The following INPP5K variants were observed in gnomAD, a reference collection of about 807,000 sequenced individuals.
INPP5K encodes inositol polyphosphate-5-phosphatase K.
A neutral mutation model predicts 53.5 loss-of-function variants in INPP5K; 35 were observed. The ratio of observed to expected loss-of-function variants is 0.65; its 90% CI spans 0.50 to 0.87. INPP5K has a LOEUF of 0.87. Among genes scored for constraint, INPP5K ranks in the 40% least tolerant of loss-of-function variants. The probability of loss-of-function intolerance (pLI) is 0.00; values close to 1 mark genes in which losing one functional copy is unlikely to be tolerated. For missense variants in INPP5K, 550 were observed against 586.2 expected (o/e 0.94, Z 0.64); for synonymous variants, 253 against 232.8 (o/e 1.09, Z -0.79).
chr17:1,501,022 A>T (rs2074998512), intron 7 of INPP5K, among the ~76,000 whole-genome samples: 1 of 148,892 alleles, frequency 6.7e-6, no homozygotes, highest in African/African-American at 2.5e-5. Flanking sequence ...GCAGTGGCGC[A>T]ATCTCAGCTC....
At chr17:1,502,142 C>G (rs113279662) in intron 7 of INPP5K, among the ~76,000 whole-genome samples, 10,178 of 151,544 alleles carry the variant, frequency 0.067, 410 homozygotes, top group Non-Finnish European at 0.088. Context: ...GAGGTCAGGA[C>G]ATGGAGACCA....
At chr17:1,507,705 G>A (rs765506531) in intron 6 of INPP5K, 19 of 159,910 alleles carry the variant, frequency 1.2e-4, no homozygotes, top group African/African-American at 2.2e-4. Flanking sequence ...CACGCCCGGC[G>A]AATTTTTTTT....
chr17:1,495,204 T>A lies in INPP5K; in HGVS notation c.*619A>T, dbSNP rs979356026. ...ATGCCGTGAGTAGGGAGGAAGGTTG[T>A]GCTGGCCGAAGGACCCTCATCAACC... On this transcript the variant is annotated 3_prime_UTR_variant, in exon 12 of 12. Transcript: ENST00000421807. 1 of 152,278 alleles carries A rather than the reference T, an allele frequency of 6.6e-6. No homozygotes were observed. The highest frequency in any genetic ancestry group is 1.9e-4 in the East Asian group (1 of 5,200). 9.4% of individuals were successfully genotyped at this position (152,278 alleles called of 1,614,324 possible).
intron 8 of INPP5K, chr17:1,497,687 G>A (rs1455386301): frequency 4.6e-6 from 2 of 433,830 alleles, no homozygotes; most frequent in Non-Finnish European, 4.2e-6. Context: ...GAACTCATTA[G>A]CCCCAAGGGA....
At chr17:1,512,266 G>C (rs1269702262) in intron 3 of INPP5K, among the ~76,000 whole-genome samples, 3 of 152,332 alleles carry the variant, frequency 2.0e-5, no homozygotes, top group Non-Finnish European at 1.5e-5. Flanking sequence ...CGAGAAGCAA[G>C]GAGGCCTGCA....
intron 9 of INPP5K, 71 bp from the exon 10 acceptor site, chr17:1,496,473 T>C: frequency 7.2e-7 from 1 of 1,382,582 alleles, no homozygotes; most frequent in South Asian, 1.2e-5. Flanking sequence ...AAGGAAGAGA[T>C]GGTCTCCCTG....
intron 1 of INPP5K, chr17:1,516,098 G>C (rs1383353007): frequency 9.3e-6 from 11 of 1,177,330 alleles, no homozygotes; most frequent in Non-Finnish European, 1.1e-5. Context: ...ATGGGATCAG[G>C]CAGACCTCCT....
Position 1,497,996 on chromosome 17 carries a change from G to A in INPP5K, c.903C>T (p.Ser301=), listed in dbSNP as rs777108107. Residue 301 remains serine, a synonymous_variant, in exon 8 of 12, where the codon AGC becomes AGT. Transcript: ENST00000421807. ...CGCTGATGCCGTACGTCATGTGGCT[G>A]CTGTAGCCCCTCAGAGACAAGGAGA... ...SHFSLSLRGY[S]SHMTYGISDH... is the part of the protein sequence containing the mutation. 2 of 1,614,130 alleles carry A rather than the reference G, an allele frequency of 1.2e-6. No individual in the cohort carries two copies. Among genetic ancestry groups the A allele is most frequent in the Admixed American group, 3.3e-5 (2 of 60,018 alleles).
At chr17:1,502,115 C>T (rs1396661808) in intron 7 of INPP5K, among the ~76,000 whole-genome samples, 15 of 150,894 alleles carry the variant, frequency 9.9e-5, no homozygotes, top group South Asian at 2.1e-4. Context: ...TTTGGGAGGC[C>T]AAGGCGGGCA....
chr17:1,495,849 G>C lies in INPP5K; in HGVS notation c.1321C>G (p.Leu441Val), dbSNP rs371206939. ...IPPGSLREDP[L>V]GEAQPQI is the part of the protein sequence containing the mutation. Reference sequence around the variant, plus strand: ...CAGATCTGTGGCTGTGCTTCACCCAGTGGGTCCTCCCTCAAGGAGCCAGGC... The same window carrying C: ...CAGATCTGTGGCTGTGCTTCACCCACTGGGTCCTCCCTCAAGGAGCCAGGC... Residue 441 changes from leucine to valine, a missense_variant, in exon 12 of 12, where the codon CTG becomes GTG. Coordinates refer to ENST00000421807, the MANE Select transcript of INPP5K (RefSeq NM_016532.4). 6.2e-7 allele frequency: 1 copy of C among 1,613,538 alleles called. No individual in the cohort carries two copies. Among genetic ancestry groups the C allele is most frequent in the East Asian group, 2.2e-5 (1 of 44,872 alleles).
At chr17:1,512,085 T>A (rs1260691033) in intron 3 of INPP5K, among the ~76,000 whole-genome samples, 1 of 152,168 alleles carries the variant, frequency 6.6e-6, no homozygotes, top group Non-Finnish European at 1.5e-5. Context: ...AGCTCACCCA[T>A]CCACCCTGAT....
intron 7 of INPP5K, among the ~76,000 whole-genome samples, chr17:1,502,132 G>T (rs1249825161): frequency 6.6e-6 from 1 of 151,522 alleles, no homozygotes. Context: ...GGCAGATCAT[G>T]AGGTCAGGAC....
At position 1,498,811 on chromosome 17, in the gene INPP5K, A is replaced by G. The variant is rs143884197; in HGVS notation, c.777-689T>C. On this transcript the variant is annotated intron_variant, in intron 7 of 11. Transcript: ENST00000421807. ...GTAAAGACAGTATGTTTCCCAGCCT[A>G]GTTTTGAACTGCTGGCCTCAAAGGA... Among the ~76,000 whole-genome samples the G allele has an allele frequency of 1.0e-3, 157 of 152,276 alleles. 2 individuals carry two copies. In the Middle Eastern group the frequency reaches 0.017, roughly 16 times the overall value.
rs1168780392 is a variant in INPP5K at position 1,495,368 on chromosome 17, TC to T, written c.*454del. ...GGGACAAGCTATGAGATGCCAAGAC[TC>T]CTGGAATCCAGCACTGCTTGCACCA... is the stretch of plus-strand genomic sequence containing the variant. On this transcript the variant is annotated 3_prime_UTR_variant, in exon 12 of 12. Transcript: ENST00000421807. 4.4e-5 allele frequency: 7 copies of T among 158,572 alleles called. No homozygotes were observed. Among genetic ancestry groups the T allele is most frequent in the African/African-American group, 1.7e-4 (7 of 41,518 alleles). 9.8% of individuals were successfully genotyped at this position (158,572 alleles called of 1,614,324 possible). A position where few individuals can be genotyped will look rare whatever the true frequency, so the allele number is the denominator to read the frequency against.
chr17:1,509,101 C>T lies in INPP5K; in HGVS notation c.554+77G>A, dbSNP rs559213179. 2.9e-5 allele frequency: 36 copies of T among 1,261,136 alleles called. No individual in the cohort carries two copies. The East Asian group carries it at 9.5e-4, about 33-fold the overall frequency. 78.1% of individuals were successfully genotyped at this position (1,261,136 alleles called of 1,614,324 possible). ...AGAGGGCGGGGAGCGGTCTGCAGAC[C>T]CAGGCTCACTCGTGGGGGTTAGTGG... On this transcript the variant is annotated intron_variant, in intron 5 of 11. Coordinates refer to ENST00000421807, the MANE Select transcript of INPP5K (RefSeq NM_016532.4).
chr17:1,497,860 T>C, intron 8 of INPP5K, 76 bp downstream of exon 8: 5 of 1,335,874 alleles, frequency 3.7e-6, no homozygotes, highest in Non-Finnish European at 5.3e-6. Context: ...GACATTCGAA[T>C]CCAGGGATGG....
chr17:1,496,982 C>T (rs2074866946), intron 8 of INPP5K, among the ~76,000 whole-genome samples, 179 bp from the exon 9 acceptor site: 1 of 152,190 alleles, frequency 6.6e-6, no homozygotes, highest in Non-Finnish European at 1.5e-5. Context: ...GAAAGAGGGC[C>T]GAACACCAGT....
intron 1 of INPP5K, among the ~76,000 whole-genome samples, chr17:1,514,566 C>T (rs745894959): frequency 1.7e-4 from 26 of 151,970 alleles, no homozygotes; most frequent in Non-Finnish European, 3.5e-4. Flanking sequence ...ATAGCAGAGT[C>T]GCCAAAGGGA....
At chr17:1,507,158 C>G (rs1364545623) in intron 6 of INPP5K, 69 bp from the exon 7 acceptor site, 2 of 1,176,776 alleles carry the variant, frequency 1.7e-6, no homozygotes, top group Admixed American at 3.6e-5. Context: ...ACACTCCATT[C>G]AAGGGATCAG....
Sources: gnomAD v4.1 joint callset for allele counts (sites outside exome capture counted in the v4.1 genomes callset) on GRCh38, gnomAD v4.1.1 for gene constraint, MANE v1.5 for transcripts, NCBI Gene and HGNC (gene_info 2026-07-23, HGNC 2026-07-21) for gene names.